Variants in EMILIN3 observed in about 807,000 individuals in gnomAD.
EMILIN3 encodes the protein elastin microfibril interfacer 3, also known as EMILIN-3.
A neutral mutation model predicts 42.8 loss-of-function variants in EMILIN3; 38 were observed. That is an observed-to-expected ratio of 0.89 (90% CI 0.69 to 1.16). The LOEUF is 1.16. Among genes scored for constraint, EMILIN3 ranks in the 50% most tolerant of loss-of-function variants. The pLI is 0.00. For synonymous variants in EMILIN3, 430 were observed against 440.5 expected (o/e 0.98, Z 0.30); for missense variants, 924 against 999.5 (o/e 0.92, Z 1.02).
Position 41,361,453 on chromosome 20 carries a change from G to C in EMILIN3, c.2116C>G (p.Leu706Val). The C allele has an allele frequency of 6.2e-7, 1 of 1,606,028 alleles. No homozygotes were observed. The highest frequency in any genetic ancestry group is 1.7e-5 in the Admixed American group (1 of 59,606). The change falls in exon 4 of 4, where the codon CTG becomes GTG. Residue 706 changes from leucine (L) to valine (V), a missense_variant. Coordinates refer to ENST00000332312, the MANE Select transcript of EMILIN3 (RefSeq NM_052846.2). ...GGCAAGCTGTCCAGGCCCGCGGCCA[G>C]CAGGCCCAGCCTCCTGCACGCACCC... The part of the protein sequence containing the change: ...VEGACRRLGL[L>V]AAGLDSLPTE...
chr20:41,363,090 G>C, intron 3 of EMILIN3, 36 bp from the exon 4 acceptor site: 2 of 1,470,094 alleles, frequency 1.4e-6, no homozygotes, highest in South Asian at 2.7e-5. Context: ...GGCATCACTG[G>C]CCTCACCCTC....
At chr20:41,363,198 T>C in intron 3 of EMILIN3, 144 bp from the exon 4 acceptor site, 2 of 752,906 alleles carry the variant, frequency 2.7e-6, no homozygotes, top group East Asian at 5.5e-5. Context: ...TGGAGTGCAG[T>C]GGTGTGCTCT....
chr20:41,361,546 A>T lies in EMILIN3; in HGVS notation c.2023T>A (p.Cys675Ser). The T allele has an allele frequency of 6.2e-7, 1 of 1,611,052 alleles. No individual in the cohort carries two copies. Among genetic ancestry groups the T allele is most frequent in the Non-Finnish European group, 8.5e-7 (1 of 1,179,626 alleles). The stretch of plus-strand genomic sequence containing the variant: ...TGAAGTTTCTGGGCTGTGTCCTGGC[A>T]GCGGCTCAGCCCACTGGCCACCTTG... ...VAKVASGLSR[C>S]QDTAQKLQHT... The change falls in exon 4 of 4, where the codon TGC (cysteine) becomes AGC (serine). Residue 675 changes from cysteine to serine, a missense_variant. Cys to Ser is a moderately radical substitution (Grantham distance 112). Coordinates refer to ENST00000332312, the MANE Select transcript of EMILIN3 (RefSeq NM_052846.2).
intron 1 of EMILIN3, among the ~76,000 whole-genome samples, chr20:41,365,944 A>C (rs754858666): frequency 6.6e-6 from 1 of 150,384 alleles, no homozygotes; most frequent in Non-Finnish European, 1.5e-5. Flanking sequence ...ACAGGCCCGG[A>C]GCCAGGAGCC....
At chr20:41,364,917 AG>A in intron 2 of EMILIN3, 117 bp downstream of exon 2, 1 of 1,459,408 alleles carries the variant, frequency 6.9e-7, no homozygotes, top group Non-Finnish European at 9.3e-7. Flanking sequence ...ATGGGGGCTC[AG>A]GTGGGCTCTC....
Position 41,365,073 on chromosome 20 carries a change from C to A in EMILIN3, c.252G>T (p.Arg84=). 3 of 1,614,050 alleles carry A rather than the reference C, an allele frequency of 1.9e-6. No homozygotes were observed. The highest frequency in any genetic ancestry group is 2.5e-6 in the Non-Finnish European group (3 of 1,179,942). The change falls in exon 2 of 4, where the codon CGG becomes CGT. Residue 84 remains arginine (R), a synonymous_variant. Transcript: ENST00000332312. ...GAESYVKAEY[R]QCRWGPKCPG... Reference sequence around the variant, plus strand: ...GGCACTTGGGCCCCCATCTACACTGCCGGTATTCAGCCTTTACGTAGCTCT... The same window carrying A: ...GGCACTTGGGCCCCCATCTACACTGACGGTATTCAGCCTTTACGTAGCTCT...
At chr20:41,363,100 C>T (rs1366547875) in intron 3 of EMILIN3, 46 bp from the exon 4 acceptor site, 1 of 1,434,452 alleles carries the variant, frequency 7.0e-7, no homozygotes, top group East Asian at 2.5e-5. Flanking sequence ...GCCTCACCCT[C>T]TCAGCTTGTC....
At chr20:41,365,190 G>C in intron 1 of EMILIN3, 33 bp from the exon 2 acceptor site, 5 of 1,610,332 alleles carry the variant, frequency 3.1e-6, no homozygotes, top group Non-Finnish European at 4.2e-6. Context: ...TGGAATATCT[G>C]GCTGAGCGAG....
intron 1 of EMILIN3, among the ~76,000 whole-genome samples, chr20:41,365,604 T>C (rs772016787): frequency 9.4e-4 from 143 of 152,244 alleles, no homozygotes; most frequent in Non-Finnish European, 1.5e-3. Flanking sequence ...CCTCTCCTCG[T>C]AGTTTTGCAG....
In EMILIN3 at chr20:41,362,852, T is replaced by C. The variant is rs766509898; in HGVS notation, c.717A>G (p.Arg239=). ...IPEGLVGPGD[R]ARGPLTPPLD... is the part of the protein sequence containing the mutation. ...AGGGAGGTGTTAGTGGCCCTCTGGC[T>C]CTGTCTCCTGGGCCCACAAGCCCCT... Residue 239 remains arginine (R), a synonymous_variant, in exon 4 of 4, where the codon AGA becomes AGG. Coordinates refer to ENST00000332312, the MANE Select transcript of EMILIN3 (RefSeq NM_052846.2). 1.3e-5 allele frequency: 21 copies of C among 1,613,898 alleles called. No homozygotes were observed. The highest frequency in any genetic ancestry group is 1.6e-5 in the Non-Finnish European group (19 of 1,179,974).
In EMILIN3 at chr20:41,361,108, T is replaced by C. The variant is rs1006027984; in HGVS notation, c.*160A>G. On this transcript the variant is annotated 3_prime_UTR_variant, in exon 4 of 4. Transcript: ENST00000332312. The stretch of plus-strand genomic sequence containing the variant: ...TTTCTGCAGCACTGTGCATGGGTTT[T>C]GGTGGCTGGGACAGCCACGTGGAGG... 3.0e-6 allele frequency: 2 copies of C among 676,038 alleles called. No homozygotes were observed. The highest frequency in any genetic ancestry group is 4.2e-5 in the South Asian group (2 of 48,162). The allele number at this position is 676,038 out of a possible 1,614,324, so 41.9% of individuals were successfully genotyped here.
rs2046371998 is a variant in EMILIN3 at position 41,362,671 on chromosome 20, G to A, written c.898C>T (p.Leu300=). Residue 300 remains leucine (L), a synonymous_variant, in exon 4 of 4, where the codon CTG becomes TTG. Coordinates refer to ENST00000332312, the MANE Select transcript of EMILIN3 (RefSeq NM_052846.2). The part of the protein sequence containing the change: ...PPSPLTSLAL[L]EEYVDRRLHR... ...AGCCGTCGGTCCACGTACTCCTCCA[G>A]CAGGGCCAGGGAGGTGAGCGGGGAT... The A allele has an allele frequency of 6.2e-7, 1 of 1,611,820 alleles. No individual in the cohort carries two copies. Among genetic ancestry groups the A allele is most frequent in the Non-Finnish European group, 8.5e-7 (1 of 1,179,944 alleles).
Position 41,361,710 on chromosome 20 carries a change from T to C in EMILIN3, c.1859A>G (p.Asp620Gly). The change falls in exon 4 of 4, where the codon GAT becomes GGT. Residue 620 changes from aspartate to glycine, a missense_variant. By Grantham distance (94) the Asp-to-Gly change is moderately conservative. Transcript: ENST00000332312. The stretch of plus-strand genomic sequence containing the variant: ...GGCTTCCACCTTGCGTTCCCGCTCA[T>C]CCAGGGACGTGTTGGCAGCCAAGAA... ...DAFLAANTSL[D>G]ERERKVEAEV... 1 of 1,612,228 alleles carries C rather than the reference T, an allele frequency of 6.2e-7. No homozygotes were observed. Among genetic ancestry groups the C allele is most frequent in the African/African-American group, 1.3e-5 (1 of 75,062 alleles).
chr20:41,361,772 T>C lies in EMILIN3; in HGVS notation c.1797A>G (p.Thr599=), dbSNP rs1198941159. ...ACTGGCTGACAGAGTCACTGAGGCC[T>C]GTGAGCGACTTGCTCACTGAGTTCA... ...VNLNSVSKSL[T]GLSDSVSQYS... is the part of the protein sequence containing the mutation. Residue 599 remains threonine, a synonymous_variant, in exon 4 of 4, where the codon ACA becomes ACG. Transcript: ENST00000332312. The C allele has an allele frequency of 6.2e-7, 1 of 1,613,662 alleles. No individual in the cohort carries two copies. The highest frequency in any genetic ancestry group is 2.2e-5 in the East Asian group (1 of 44,880).
In EMILIN3 at chr20:41,362,100, T is replaced by C; in HGVS notation, c.1469A>G (p.His490Arg). The C allele has an allele frequency of 3.7e-6, 6 of 1,606,252 alleles. No individual in the cohort carries two copies. Among genetic ancestry groups the C allele is most frequent in the Non-Finnish European group, 5.1e-6 (6 of 1,173,882 alleles). ...RLATLAGELS[H>R]DSASPGRSAR... is the part of the protein sequence containing the mutation. ...TGACCTGCCCGGAGAGGCGCTGTCA[T>C]GGCTTAGCTCCCCAGCCAATGTTGC... The change falls in exon 4 of 4, where the codon CAT (histidine) becomes CGT (arginine). Residue 490 changes from histidine (H) to arginine (R), a missense_variant. His to Arg is a conservative substitution (Grantham distance 29, BLOSUM62 0). Coordinates refer to ENST00000332312, the MANE Select transcript of EMILIN3 (RefSeq NM_052846.2).
chr20:41,362,843 C>T lies in EMILIN3; in HGVS notation c.726G>A (p.Gly242=). The T allele has an allele frequency of 6.2e-7, 1 of 1,614,094 alleles. No individual in the cohort carries two copies. Among genetic ancestry groups the T allele is most frequent in the Non-Finnish European group, 8.5e-7 (1 of 1,180,004 alleles). The stretch of plus-strand genomic sequence containing the variant: ...TCTCGTCTAAGGGAGGTGTTAGTGG[C>T]CCTCTGGCTCTGTCTCCTGGGCCCA... ...GLVGPGDRAR[G]PLTPPLDEIL... The change falls in exon 4 of 4, where the codon GGG becomes GGA. Residue 242 remains glycine (G), a synonymous_variant. Coordinates refer to ENST00000332312, the MANE Select transcript of EMILIN3 (RefSeq NM_052846.2).
rs2046394564 is a variant in EMILIN3, at chr20:41,366,460, G to T, written c.167+8C>A. 1.8e-6 allele frequency: 2 copies of T among 1,124,228 alleles called. No homozygotes were observed. The highest frequency in any genetic ancestry group is 2.2e-6 in the Non-Finnish European group (2 of 919,778). 69.6% of individuals were successfully genotyped at this position (1,124,228 alleles called of 1,614,324 possible). Reference sequence around the variant, plus strand: ...CCCTCTTCCCGCCCGCCGCCCGCCCGCGCTTACTTGTGCGGCCCCGGGCGC... The same window carrying T: ...CCCTCTTCCCGCCCGCCGCCCGCCCTCGCTTACTTGTGCGGCCCCGGGCGC... On this transcript the variant is annotated splice_region_variant and intron_variant, in intron 1 of 3. Transcript: ENST00000332312. The surrounding 1 kb of genome is among the most constrained non-coding windows in gnomAD (Gnocchi z 4.2).
In EMILIN3 at chr20:41,361,748, CT is replaced by C; in HGVS notation, c.1820del (p.Gln607ArgfsTer46). 1 of 1,613,640 alleles carries C rather than the reference CT, an allele frequency of 6.2e-7. No individual in the cohort carries two copies. Among genetic ancestry groups the C allele is most frequent in the Non-Finnish European group, 8.5e-7 (1 of 1,179,980 alleles). On this transcript the variant is annotated frameshift_variant, in exon 4 of 4. Transcript: ENST00000332312. LOFTEE classifies it high-confidence loss of function. ...TGGCAGCCAAGAAGGCATCAGAGTA[CT>C]GGCTGACAGAGTCACTGAGGCCTGT... ...SLTGLSDSVS[Q>X]YSDAFLAANT...
chr20:41,364,660 C>G (rs2046384767), intron 2 of EMILIN3, among the ~76,000 whole-genome samples: 2 of 152,316 alleles, frequency 1.3e-5, no homozygotes, highest in South Asian at 4.1e-4. Flanking sequence ...GCCAGGCCCC[C>G]CTGTGGCATC....
Sources: allele counts gnomAD v4.1 joint callset (sites outside exome capture counted in the v4.1 genomes callset), GRCh38; gene constraint gnomAD v4.1.1; non-coding constraint Gnocchi (gnomAD v3.1); transcripts MANE v1.5; gene names NCBI Gene and HGNC (gene_info 2026-07-23, HGNC 2026-07-21).